COLEC10: variants seen among roughly 807,000 people sequenced by gnomAD.
COLEC10 encodes the protein collectin subfamily member 10.
A neutral mutation model predicts 28.4 loss-of-function variants in COLEC10; 22 were observed. The observed-to-expected ratio is 0.78, with a 90% CI of 0.55 to 1.11. The LOEUF (loss-of-function observed/expected upper bound fraction) is 1.11. Among genes scored for constraint, COLEC10 ranks in the 50% least tolerant of loss-of-function variants. The pLI, the probability that COLEC10 is intolerant of heterozygous loss-of-function variation, is 0.00. For synonymous variants in COLEC10, 125 were observed against 116.1 expected (o/e 1.08, Z -0.49); for missense variants, 361 against 344.1 (o/e 1.05, Z -0.39).
At chr8:118,969,039 C>T in the COLEC10 span, among the ~76,000 whole-genome samples, 3 of 152,074 alleles carry the variant, frequency 2.0e-5, no homozygotes, top group East Asian at 1.9e-4. Flanking sequence ...GAGGCATTAT[C>T]CTGAATTATC....
At chr8:119,094,966 A>G (rs893673523) in intron 3 of COLEC10, among the ~76,000 whole-genome samples, 4 of 152,152 alleles carry the variant, frequency 2.6e-5, no homozygotes, top group African/African-American at 9.6e-5. Flanking sequence ...TCTATCAGCA[A>G]TTCTAATCAA....
intron 2 of COLEC10, among the ~76,000 whole-genome samples, chr8:119,017,199 G>C (rs1448997077): frequency 6.6e-6 from 1 of 152,120 alleles, no homozygotes; most frequent in Non-Finnish European, 1.5e-5. Context: ...TATATTGCTA[G>C]GGATTAGTAG....
At chr8:119,077,767 T>C (rs1815280812) in intron 1 of COLEC10, among the ~76,000 whole-genome samples, 1 of 152,238 alleles carries the variant, frequency 6.6e-6, no homozygotes, top group African/African-American at 2.4e-5. Flanking sequence ...AATTATTCTT[T>C]TTTTTATTTT....
At chr8:119,010,092 T>C (rs1297662908) in intron 2 of COLEC10, among the ~76,000 whole-genome samples, 1 of 150,900 alleles carries the variant, frequency 6.6e-6, no homozygotes, top group African/African-American at 2.5e-5. Flanking sequence ...GAATAATGTA[T>C]GATGACATCT....
At chr8:119,006,738 A>AT (rs57098770) in intron 1 of COLEC10, among the ~76,000 whole-genome samples, 4,607 of 149,672 alleles carry the variant, frequency 0.031, 127 homozygotes, top group East Asian at 0.16. Flanking sequence ...ATCTTTACCC[A>AT]TTTTTTTTTA....
chr8:119,018,265 T>C (rs938221561), intron 2 of COLEC10, among the ~76,000 whole-genome samples: 2 of 152,216 alleles, frequency 1.3e-5, no homozygotes, highest in South Asian at 2.1e-4. Context: ...ACTTCTCCTT[T>C]TTCTTCTAAT....
intron 3 of COLEC10, among the ~76,000 whole-genome samples, chr8:119,094,398 A>G (rs1815670179): frequency 6.6e-6 from 1 of 152,228 alleles, no homozygotes; most frequent in African/African-American, 2.4e-5. Context: ...ACTACTAATA[A>G]AGACAAAATT....
chr8:119,101,786 T>C (rs1815832399), intron 3 of COLEC10, among the ~76,000 whole-genome samples: 1 of 152,140 alleles, frequency 6.6e-6, no homozygotes, highest in African/African-American at 2.4e-5. Context: ...AAAAGCACAA[T>C]ACATGTGTTT....
chr8:119,038,803 C>A (rs1177506408), intron 2 of COLEC10, among the ~76,000 whole-genome samples: 1 of 152,128 alleles, frequency 6.6e-6, no homozygotes, highest in African/African-American at 2.4e-5. Flanking sequence ...GATGGTAGAG[C>A]AGTTTCCCAC....
rs556520433 is a variant in COLEC10 at position 119,092,839 on chromosome 8, G to A, written c.292+1619G>A. 1.1e-4 allele frequency among the ~76,000 whole-genome samples: 16 copies of A among 152,170 alleles called. No homozygotes were observed. In the South Asian group the frequency reaches 3.3e-3, roughly 32 times the overall value. On this transcript the variant is annotated intron_variant, in intron 3 of 5. Coordinates refer to ENST00000332843, the MANE Select transcript of COLEC10 (RefSeq NM_006438.5). The stretch of plus-strand genomic sequence containing the variant: ...AAGAATCGCTTGAACCTGGGAGGCG[G>A]AGTTTGCATTGAGCCAAGATCATGT...
In COLEC10 at chr8:119,070,399, A is replaced by C. The variant is rs546586185; in HGVS notation, c.148+2970A>C. 1.5e-4 allele frequency among the ~76,000 whole-genome samples: 22 copies of C among 150,136 alleles called. No homozygotes were observed. The South Asian group carries it at 4.7e-3, about 32-fold the overall frequency. On this transcript the variant is annotated intron_variant, in intron 1 of 5. Transcript: ENST00000332843. ...TCATTATTTTTCTTTCTATGCCTTA[A>C]ACTTATCATTTATGTTACCTAACAG...
intron 2 of COLEC10, among the ~76,000 whole-genome samples, chr8:119,026,357 C>A (rs931034496): frequency 6.6e-6 from 1 of 151,914 alleles, no homozygotes; most frequent in Admixed American, 6.6e-5. Flanking sequence ...AGTTTGAGAC[C>A]AGCCTGGGCA....
At chr8:119,036,571 T>C (rs1251463748) in intron 2 of COLEC10, among the ~76,000 whole-genome samples, 3 of 152,232 alleles carry the variant, frequency 2.0e-5, no homozygotes, top group Admixed American at 2.0e-4. Context: ...TACATCTATC[T>C]GTGTACCTTC....
At chr8:118,968,612 T>C in the COLEC10 span, among the ~76,000 whole-genome samples, 1 of 129,592 alleles carries the variant, frequency 7.7e-6, no homozygotes, top group Non-Finnish European at 1.8e-5. Flanking sequence ...TATATGTATG[T>C]ATATGTATAT....
intron 2 of COLEC10, among the ~76,000 whole-genome samples, chr8:119,047,485 C>G (rs746738505): frequency 6.6e-6 from 1 of 152,134 alleles, no homozygotes; most frequent in African/African-American, 2.4e-5. Context: ...GTTTTTATTG[C>G]ATTTGGTGCA....
chr8:118,952,708 C>G, the COLEC10 span, among the ~76,000 whole-genome samples: 1 of 152,208 alleles, frequency 6.6e-6, no homozygotes, highest in Non-Finnish European at 1.5e-5. Context: ...CATCAAAGGG[C>G]TATTGGTATC....
the COLEC10 span, among the ~76,000 whole-genome samples, chr8:118,959,328 T>C: frequency 6.6e-6 from 1 of 152,214 alleles, no homozygotes; most frequent in Non-Finnish European, 1.5e-5. Flanking sequence ...CTGAAAACAA[T>C]AGAGCACAGT....
At chr8:118,983,879 G>T in the COLEC10 span, among the ~76,000 whole-genome samples, 3 of 152,152 alleles carry the variant, frequency 2.0e-5, no homozygotes, top group Admixed American at 1.3e-4. Flanking sequence ...CTTAAACACT[G>T]CTGGTGGGAA....
chr8:119,038,537 A>G (rs1050846675), intron 2 of COLEC10, among the ~76,000 whole-genome samples: 1 of 152,200 alleles, frequency 6.6e-6, no homozygotes, highest in Non-Finnish European at 1.5e-5. Context: ...TTTCTCTCAA[A>G]CACACTAAAA....
Sources: allele counts gnomAD v4.1 joint callset (sites outside exome capture counted in the v4.1 genomes callset), GRCh38; gene constraint gnomAD v4.1.1; transcripts MANE v1.5; gene names NCBI Gene and HGNC (gene_info 2026-07-23, HGNC 2026-07-21).